Variants in DLG2 observed in about 807,000 individuals in gnomAD.
The protein encoded by DLG2 is disks large homolog 2.
A neutral mutation model predicts 132.5 loss-of-function variants in DLG2; 45 were observed. That is an observed-to-expected ratio of 0.34 (90% CI 0.27 to 0.44). DLG2 has a LOEUF of 0.44. Ranked by LOEUF, DLG2 falls within the 20% of genes least tolerant of loss-of-function variation. DLG2 has a pLI of 1.00. For synonymous variants in DLG2, 424 were observed against 419.6 expected (o/e 1.01, Z -0.13); for missense variants, 1,045 against 1,196.9 (o/e 0.87, Z 1.87).
chr11:83,911,706 G>A (rs2076085783), intron 15 of DLG2, among the ~76,000 whole-genome samples: 1 of 151,934 alleles, frequency 6.6e-6, no homozygotes, highest in Non-Finnish European at 1.5e-5. Context: ...CTATTTAGCA[G>A]GATCAGAGCT....
intron 6 of DLG2, among the ~76,000 whole-genome samples, chr11:85,030,700 A>G (rs1368195629): frequency 2.0e-5 from 3 of 152,148 alleles, no homozygotes; most frequent in African/African-American, 7.2e-5. Context: ...ATATGTAATC[A>G]TGAAATTTTT....
rs191671016 is a variant in DLG2, at chr11:83,715,448, T to C, written c.1825+71242A>G. 5.3e-5 allele frequency among the ~76,000 whole-genome samples: 8 copies of C among 152,276 alleles called. No homozygotes were observed. The East Asian group carries it at 1.5e-3, about 29-fold the overall frequency. ...CTGGGAACGACTATAAGTATAATCT[T>C]AGAGTTTTCCACACTAAAGAGGCAA... On this transcript the variant is annotated intron_variant, in intron 18 of 27. Transcript: ENST00000376104.
chr11:85,446,625 A>T (rs2092022349), intron 3 of DLG2, among the ~76,000 whole-genome samples: 1 of 152,166 alleles, frequency 6.6e-6, no homozygotes, highest in Non-Finnish European at 1.5e-5. Context: ...TATTTTTCAC[A>T]TTTTATAGGT....
chr11:83,833,746 G>T lies in DLG2; in HGVS notation c.1590C>A (p.His530Gln), dbSNP rs1398329562. The change falls in exon 17 of 28, where the codon CAC becomes CAA. Residue 530 changes from histidine to glutamine, a missense_variant. His to Gln is a conservative substitution (Grantham distance 24). Around this residue, in one of 4 missense-constraint regions of DLG2, gnomAD observed 261 missense variants for 256.1 expected, o/e 1.02. Transcript: ENST00000376104. ...TGAAGCCCAGGCCAGTGGAGCCTTT[G>T]TGCAGGACTACCTTGCGAGGCTCTC... ...LEGEPRKVVLHKGSTGLGFNI... is the reference protein window; with the variant it reads ...LEGEPRKVVLQKGSTGLGFNI... The T allele has an allele frequency of 1.2e-6, 2 of 1,613,994 alleles. No homozygotes were observed. Among genetic ancestry groups the T allele is most frequent in the Non-Finnish European group, 1.7e-6 (2 of 1,179,932 alleles).
intron 7 of DLG2, among the ~76,000 whole-genome samples, chr11:84,293,784 G>A (rs1201637179): frequency 6.6e-6 from 1 of 152,218 alleles, no homozygotes; most frequent in Non-Finnish European, 1.5e-5. Flanking sequence ...AGCCGTTGCT[G>A]AAGTGAAGAG....
intron 3 of DLG2, among the ~76,000 whole-genome samples, chr11:85,306,774 G>C (rs183597369): frequency 4.8e-4 from 73 of 152,218 alleles, no homozygotes; most frequent in Non-Finnish European, 7.6e-4. Context: ...GGGTTTGACT[G>C]TGTGAGCCAG....
chr11:83,855,613 A>G (rs2154036015), intron 16 of DLG2, among the ~76,000 whole-genome samples: 1 of 152,364 alleles, frequency 6.6e-6, no homozygotes, highest in South Asian at 2.1e-4. Context: ...ATACTCTGGA[A>G]AAAGTAAAAC....
chr11:84,719,763 A>G (rs916711985), intron 6 of DLG2, among the ~76,000 whole-genome samples: 1 of 152,168 alleles, frequency 6.6e-6, no homozygotes, highest in African/African-American at 2.4e-5. Context: ...AGTGGATTGT[A>G]TAAAAGGGAA....
intron 7 of DLG2, among the ~76,000 whole-genome samples, chr11:84,391,575 C>T (rs1448592647): frequency 6.6e-6 from 1 of 151,984 alleles, no homozygotes; most frequent in Non-Finnish European, 1.5e-5. Flanking sequence ...TCAAGCATAA[C>T]TGAAAGTTAA....
intron 19 of DLG2, among the ~76,000 whole-genome samples, chr11:83,549,287 A>G (rs1259642544): frequency 6.6e-6 from 1 of 152,184 alleles, no homozygotes; most frequent in Non-Finnish European, 1.5e-5. Flanking sequence ...TGCAAGAAGC[A>G]TAGATGTTGG....
At chr11:84,561,419 G>A (rs2099428563) in intron 6 of DLG2, among the ~76,000 whole-genome samples, 1 of 151,978 alleles carries the variant, frequency 6.6e-6, no homozygotes, top group Admixed American at 6.6e-5. Context: ...ACCTTTCTGT[G>A]AAACCTCCCT....
intron 7 of DLG2, among the ~76,000 whole-genome samples, chr11:84,472,983 A>G (rs2099112405): frequency 1.3e-5 from 2 of 152,066 alleles, no homozygotes; most frequent in African/African-American, 4.8e-5. Flanking sequence ...AGTAAGCCAG[A>G]AAAATTGCCC....
chr11:83,556,315 GA>G (rs2096516574), intron 19 of DLG2, among the ~76,000 whole-genome samples: 1 of 150,806 alleles, frequency 6.6e-6, no homozygotes, highest in African/African-American at 2.4e-5. Flanking sequence ...CTACTGAGAA[GA>G]AAAAAAGAAA....
intron 11 of DLG2, among the ~76,000 whole-genome samples, chr11:84,012,331 A>G (rs1297731889): frequency 6.6e-6 from 1 of 152,134 alleles, no homozygotes; most frequent in East Asian, 1.9e-4. Context: ...GATTTTTGGC[A>G]AGAAACGCAC....
intron 6 of DLG2, among the ~76,000 whole-genome samples, chr11:84,751,516 T>C (rs1201162282): frequency 6.6e-6 from 1 of 152,082 alleles, no homozygotes; most frequent in Non-Finnish European, 1.5e-5. Flanking sequence ...TTTCTCTGTG[T>C]GGTGACGTAC....
chr11:84,752,069 T>G (rs901865004), intron 6 of DLG2, among the ~76,000 whole-genome samples: 8 of 152,170 alleles, frequency 5.3e-5, no homozygotes, highest in African/African-American at 1.9e-4. Flanking sequence ...ACTCAAATCT[T>G]CCACTGCCCA....
chr11:85,509,365 A>G (rs554880577), intron 3 of DLG2, among the ~76,000 whole-genome samples: 1 of 152,154 alleles, frequency 6.6e-6, no homozygotes, highest in African/African-American at 2.4e-5. Context: ...AGATTTTTGG[A>G]ACCTAAAGGA....
chr11:85,311,509 T>C (rs1030811966), intron 3 of DLG2, among the ~76,000 whole-genome samples: 2 of 152,118 alleles, frequency 1.3e-5, no homozygotes, highest in Non-Finnish European at 1.5e-5. Flanking sequence ...AATAGAATCA[T>C]GACATCTTCC....
Position 85,001,828 on chromosome 11 carries a change from G to A in DLG2, c.357+109833C>T, listed in dbSNP as rs529301942. ...CAAATGTACCACTCAGGTGAGGGAT[G>A]TTAATCATGCATGTGTGGGGACAAG... On this transcript the variant is annotated intron_variant, in intron 6 of 27. Coordinates refer to ENST00000376104, the MANE Select transcript of DLG2 (RefSeq NM_001142699.3). Among the ~76,000 whole-genome samples, 46 of 152,298 alleles carry A rather than the reference G, an allele frequency of 3.0e-4. No homozygotes were observed. In the South Asian group the frequency reaches 9.3e-3, roughly 31 times the overall value.
Sources: gnomAD v4.1 joint callset for allele counts (sites outside exome capture counted in the v4.1 genomes callset) on GRCh38, gnomAD v4.1.1 for gene constraint, gnomAD v4.1.1 regional missense constraint, MANE v1.5 for transcripts, NCBI Gene and HGNC (gene_info 2026-07-23, HGNC 2026-07-21) for gene names.